PHEX: variants seen among roughly 807,000 people sequenced by gnomAD.
The protein encoded by PHEX is phosphate regulating endopeptidase X-linked.
Under a neutral mutation model 68.0 loss-of-function variants are expected in PHEX, and 16 were observed. The observed-to-expected ratio is 0.24, with a 90% confidence interval of 0.16 to 0.36. The LOEUF (loss-of-function observed/expected upper bound fraction) is 0.36, where lower values mean the gene tolerates loss of function less well. Among genes scored for constraint, PHEX ranks in the 10% least tolerant of loss-of-function variants. PHEX has a pLI of 1.00. For synonymous variants in PHEX, 208 were observed against 205.1 expected, an observed-to-expected ratio of 1.01 and a Z score of -0.12; for missense variants, 480 against 575.5, an observed-to-expected ratio of 0.83 and a Z score of 1.70.
At chrX:22,207,773 C>T (rs1418428071) in intron 15 of PHEX, among the ~76,000 whole-genome samples, 3 of 110,501 alleles carry the variant, frequency 2.7e-5, no homozygotes, top group Non-Finnish European at 3.8e-5. Context: ...TTTATTTAAC[C>T]CTATATACCC....
intron 20 of PHEX, among the ~76,000 whole-genome samples, chrX:22,242,621 C>A (rs1936258858): frequency 9.0e-6 from 1 of 111,525 alleles, no homozygotes; most frequent in Admixed American, 9.5e-5. Flanking sequence ...CCAAGCATTC[C>A]TATACACCAA....
chrX:22,241,997 TC>T, intron 20 of PHEX, among the ~76,000 whole-genome samples: 1 of 111,595 alleles, frequency 9.0e-6, no homozygotes, highest in Middle Eastern at 4.6e-3. Flanking sequence ...TAGACCAATA[TC>T]CCTGATGAAC....
intron 12 of PHEX, among the ~76,000 whole-genome samples, chrX:22,155,649 C>G (rs1932934459): frequency 8.9e-6 from 1 of 111,842 alleles, no homozygotes; most frequent in South Asian, 3.7e-4. Context: ...GTTAATATTT[C>G]TATACTGGCT....
intron 15 of PHEX, among the ~76,000 whole-genome samples, chrX:22,206,652 C>T (rs1934720305): frequency 9.0e-6 from 1 of 110,934 alleles, no homozygotes; most frequent in African/African-American, 3.3e-5. Flanking sequence ...ATACCTGAAG[C>T]GAGCCATACA....
chrX:22,226,327 A>T (rs890655913), intron 18 of PHEX, 116 bp from the exon 19 acceptor site: 7 of 555,584 alleles, frequency 1.3e-5, no homozygotes, highest in African/African-American at 1.2e-4. Flanking sequence ...ATTGAATGTG[A>T]TTTTCTCTTT....
At chrX:22,197,106 T>C (rs1934390986) in intron 15 of PHEX, among the ~76,000 whole-genome samples, 1 of 112,031 alleles carries the variant, frequency 8.9e-6, no homozygotes, top group African/African-American at 3.2e-5. Context: ...GACTAATATA[T>C]AGAATTTGGG....
In PHEX at chrX:22,248,360, A is replaced by G; in HGVS notation, c.*407A>G. The G allele has an allele frequency of 5.7e-6, 1 of 176,856 alleles. No individual in the cohort carries two copies. The highest frequency in any genetic ancestry group is 7.0e-5 in the Admixed American group (1 of 14,190). 14.6% of individuals were successfully genotyped at this position (176,856 alleles called of 1,213,427 possible). A position where few individuals can be genotyped will look rare whatever the true frequency, so the allele number is the denominator to read the frequency against. On this transcript the variant is annotated 3_prime_UTR_variant, in exon 22 of 22. Transcript: ENST00000379374. ...CAATCTATTAAACTTGTAGCCTCTC[A>G]ATGATGAAGACATGTGCATGAATAC...
chrX:22,175,429 C>T (rs1933666938), intron 13 of PHEX, among the ~76,000 whole-genome samples: 1 of 110,326 alleles, frequency 9.1e-6, no homozygotes, highest in South Asian at 3.9e-4. Context: ...CGGCTCACTG[C>T]AACCTCCACC....
chrX:22,107,269 C>T (rs965203500), intron 9 of PHEX, among the ~76,000 whole-genome samples: 2 of 111,986 alleles, frequency 1.8e-5, no homozygotes, highest in Admixed American at 1.9e-4. Flanking sequence ...CTTCCACCAC[C>T]ACCATTGGGC....
At chrX:22,070,981 A>T (rs1928874301) in intron 3 of PHEX, among the ~76,000 whole-genome samples, 1 of 111,950 alleles carries the variant, frequency 8.9e-6, no homozygotes, top group Non-Finnish European at 1.9e-5. Flanking sequence ...ACTTTAAATG[A>T]TTGGCCTGAG....
chrX:22,229,692 C>T (rs1171495090), intron 20 of PHEX, among the ~76,000 whole-genome samples: 1 of 112,012 alleles, frequency 8.9e-6, no homozygotes, highest in Non-Finnish European at 1.9e-5. Context: ...CTTTAGGATG[C>T]CTCTTCACTC....
At chrX:22,066,010 G>A (rs898117831) in intron 3 of PHEX, among the ~76,000 whole-genome samples, 6 of 112,047 alleles carry the variant, frequency 5.4e-5, no homozygotes, top group Admixed American at 9.5e-5. Flanking sequence ...GTGCCTTTGA[G>A]GAAACCCAAG....
intron 5 of PHEX, among the ~76,000 whole-genome samples, chrX:22,078,702 G>C (rs2147022138): frequency 8.9e-6 from 1 of 111,776 alleles, no homozygotes; most frequent in South Asian, 3.8e-4. Context: ...CAGGCCGTCT[G>C]GTCTCTGTTG....
At chrX:22,232,062 C>T (rs1935764628) in intron 20 of PHEX, among the ~76,000 whole-genome samples, 1 of 111,810 alleles carries the variant, frequency 8.9e-6, no homozygotes, top group African/African-American at 3.3e-5. Flanking sequence ...GTTCAGTTTC[C>T]ATGTAGCTGT....
intron 13 of PHEX, among the ~76,000 whole-genome samples, chrX:22,177,821 A>G (rs575095926): frequency 8.9e-6 from 1 of 112,006 alleles, no homozygotes; most frequent in African/African-American, 3.2e-5. Context: ...TGACTAAATC[A>G]TTGTCTATAA....
intron 2 of PHEX, among the ~76,000 whole-genome samples, chrX:22,042,831 A>G (rs1463802666): frequency 8.9e-6 from 1 of 112,022 alleles, no homozygotes; most frequent in Non-Finnish European, 1.9e-5. Flanking sequence ...AAAAAATTAG[A>G]AAAAGAAAAT....
chrX:22,054,796 T>C (rs1928000579), intron 3 of PHEX, among the ~76,000 whole-genome samples: 1 of 111,076 alleles, frequency 9.0e-6, no homozygotes, highest in African/African-American at 3.3e-5. Flanking sequence ...AGTTTGTTGT[T>C]ATTCATAGTT....
intron 3 of PHEX, among the ~76,000 whole-genome samples, chrX:22,067,063 G>A (rs1373669855): frequency 9.1e-6 from 1 of 109,921 alleles, no homozygotes; most frequent in Non-Finnish European, 1.9e-5. Flanking sequence ...GGGCAGTATG[G>A]CGAAACCTCA....
intron 11 of PHEX, among the ~76,000 whole-genome samples, chrX:22,122,060 C>T (rs762671294): frequency 1.8e-5 from 2 of 111,723 alleles, no homozygotes; most frequent in East Asian, 2.8e-4. Flanking sequence ...CCAATTCCCT[C>T]GCTCACTGTT....
Sources: gnomAD v4.1 joint callset for allele counts (sites outside exome capture counted in the v4.1 genomes callset) on GRCh38, gnomAD v4.1.1 for gene constraint, MANE v1.5 for transcripts, NCBI Gene and HGNC (gene_info 2026-07-23, HGNC 2026-07-21) for gene names.